The following STX7 variants were observed in gnomAD, a reference collection of about 807,000 sequenced individuals.
STX7 encodes the protein syntaxin-7.
In STX7, 34 loss-of-function variants were observed where a neutral mutation model predicts 39.6. The observed-to-expected ratio is 0.86, with a 90% CI of 0.65 to 1.14. The LOEUF (loss-of-function observed/expected upper bound fraction) is 1.14. STX7 is among the 50% of genes most tolerant of loss of function. STX7 has a pLI of 0.00. For synonymous variants in STX7, 119 were observed against 99.1 expected, an observed-to-expected ratio of 1.20 and a Z score of -1.19; for missense variants, 284 against 310.4, an observed-to-expected ratio of 0.92 and a Z score of 0.64.
At position 132,448,176 on chromosome 6, in the gene STX7, A is replaced by G. The variant is rs1774058393; in HGVS notation, c.*12582T>C. ...GCTCCCGGACACTTTCCCCACATAT[A>G]CATTTCCTGAGTTATGTAAAATGTT... On this transcript the variant is annotated 3_prime_UTR_variant, in exon 10 of 10. Coordinates refer to ENST00000367941, the MANE Select transcript of STX7 (RefSeq NM_003569.3). 6.6e-6 allele frequency: 1 copy of G among 152,180 alleles called. No homozygotes were observed. The highest frequency in any genetic ancestry group is 1.5e-5 in the Non-Finnish European group (1 of 68,014). 9.4% of individuals were successfully genotyped at this position (152,180 alleles called of 1,614,324 possible).
chr6:132,493,429 T>C (rs73551851), intron 2 of STX7, among the ~76,000 whole-genome samples: 2,195 of 152,202 alleles, frequency 0.014, 51 homozygotes, highest in African/African-American at 0.049. Context: ...TGGGAGATAA[T>C]TGGATCATGA....
Position 132,471,524 on chromosome 6 carries a change from C to A in STX7, c.326G>T (p.Arg109Met). Reference protein sequence around the residue: ...TSLTNFQKVQRQAAEREKEFV... With the variant: ...TSLTNFQKVQMQAAEREKEFV... ...CTCTTTCTCTCGCTCAGCAGCCTGC[C>A]TCTGGACCTTCTGGAAGTTTGTCAG... The change falls in exon 5 of 10, where the codon AGG (arginine) becomes ATG (methionine). Residue 109 changes from arginine to methionine, a missense_variant. Arg to Met is a moderately conservative substitution (Grantham distance 91, BLOSUM62 -1). Transcript: ENST00000367941. 1 of 1,614,112 alleles carries A rather than the reference C, an allele frequency of 6.2e-7. No individual in the cohort carries two copies. The highest frequency in any genetic ancestry group is 8.5e-7 in the Non-Finnish European group (1 of 1,179,970).
chr6:132,479,768 TTTTG>T (rs1774970510), intron 2 of STX7, among the ~76,000 whole-genome samples: 1 of 152,178 alleles, frequency 6.6e-6, no homozygotes, highest in Non-Finnish European at 1.5e-5. Flanking sequence ...ATTAAATCAT[TTTTG>T]TTTGATTTTT....
At position 132,471,449 on chromosome 6, in the gene STX7, T is replaced by C; in HGVS notation, c.387+14A>G. The C allele has an allele frequency of 6.2e-7, 1 of 1,606,594 alleles. No homozygotes were observed. The highest frequency in any genetic ancestry group is 8.5e-7 in the Non-Finnish European group (1 of 1,177,614). On this transcript the variant is annotated intron_variant, in intron 5 of 9. Coordinates refer to ENST00000367941, the MANE Select transcript of STX7 (RefSeq NM_003569.3). ...AACCATGTTCATTTCTAGAATGTCT[T>C]TTAAAATACTTACAGACACTCTGGA...
chr6:132,485,553 T>C (rs1775112027), intron 2 of STX7, among the ~76,000 whole-genome samples: 1 of 152,222 alleles, frequency 6.6e-6, no homozygotes, highest in Non-Finnish European at 1.5e-5. Flanking sequence ...GGCTGGATAG[T>C]ATGACAGGTG....
chr6:132,477,704 A>G (rs1774907852), intron 2 of STX7, among the ~76,000 whole-genome samples: 1 of 152,148 alleles, frequency 6.6e-6, no homozygotes, highest in South Asian at 2.1e-4. Flanking sequence ...GACTACATAA[A>G]ATAACTTGGT....
chr6:132,462,138 A>G (rs1028793600), intron 9 of STX7, among the ~76,000 whole-genome samples: 9 of 152,182 alleles, frequency 5.9e-5, no homozygotes, highest in Non-Finnish European at 7.4e-5. Context: ...GTATCCCACA[A>G]TGGTGTGTTT....
chr6:132,481,330 A>G (rs1775011511), intron 2 of STX7, among the ~76,000 whole-genome samples: 1 of 151,950 alleles, frequency 6.6e-6, no homozygotes, highest in Non-Finnish European at 1.5e-5. Flanking sequence ...CAATCTTTGG[A>G]GGGGGAAAAA....
rs1774091948 is a variant in STX7 at position 132,449,316 on chromosome 6, G to A, written c.*11442C>T. On this transcript the variant is annotated 3_prime_UTR_variant, in exon 10 of 10. Transcript: ENST00000367941. ...TCTTAATTTTTTTTGTAGAGATGGA[G>A]TGGGGGCTCTTGCTTCATTTCCCAG... 6.6e-6 allele frequency: 1 copy of A among 151,944 alleles called. No individual in the cohort carries two copies. Among genetic ancestry groups the A allele is most frequent in the Admixed American group, 6.6e-5 (1 of 15,234 alleles). The allele number at this position is 151,944 out of a possible 1,614,324, so 9.4% of individuals were successfully genotyped here. A position where few individuals can be genotyped will look rare whatever the true frequency, so the allele number is the denominator to read the frequency against.
chr6:132,501,227 T>C (rs975681084), intron 2 of STX7, among the ~76,000 whole-genome samples: 3 of 152,118 alleles, frequency 2.0e-5, no homozygotes, highest in African/African-American at 2.4e-5. Context: ...GCTAATTTTG[T>C]ATTTTTAGTA....
Position 132,448,385 on chromosome 6 carries a change from C to T in STX7, c.*12373G>A, listed in dbSNP as rs1423624406. 6.6e-6 allele frequency: 1 copy of T among 152,016 alleles called. No homozygotes were observed. Among genetic ancestry groups the T allele is most frequent in the Non-Finnish European group, 1.5e-5 (1 of 68,012 alleles). The allele number at this position is 152,016 out of a possible 1,614,324, so 9.4% of individuals were successfully genotyped here. Reference sequence around the variant, plus strand: ...TCATCTTTATTCTTAAGTGAAAGTCCCTTGTTTGTAAATTCTCATTTTGAG... The same window carrying T: ...TCATCTTTATTCTTAAGTGAAAGTCTCTTGTTTGTAAATTCTCATTTTGAG... On this transcript the variant is annotated 3_prime_UTR_variant, in exon 10 of 10. Transcript: ENST00000367941.
chr6:132,504,302 A>T (rs1775645273), intron 1 of STX7, among the ~76,000 whole-genome samples: 1 of 152,126 alleles, frequency 6.6e-6, no homozygotes, highest in Admixed American at 6.5e-5. Flanking sequence ...TGTTTATCAA[A>T]CCTTCCTGAC....
At chr6:132,469,131 A>C (rs1383370552) in intron 7 of STX7, among the ~76,000 whole-genome samples, 1 of 152,232 alleles carries the variant, frequency 6.6e-6, no homozygotes, top group Non-Finnish European at 1.5e-5. Flanking sequence ...TCTTCAATAA[A>C]TTGTAGCCAT....
chr6:132,455,313 A>G lies in STX7; in HGVS notation c.*5445T>C, dbSNP rs1384058038. The G allele has an allele frequency of 1.3e-5, 2 of 152,220 alleles. No individual in the cohort carries two copies. The highest frequency in any genetic ancestry group is 2.9e-5 in the Non-Finnish European group (2 of 68,046). The allele number at this position is 152,220 out of a possible 1,614,324, so 9.4% of individuals were successfully genotyped here. A position where few individuals can be genotyped will look rare whatever the true frequency, so the allele number is the denominator to read the frequency against. On this transcript the variant is annotated 3_prime_UTR_variant, in exon 10 of 10. Coordinates refer to ENST00000367941, the MANE Select transcript of STX7 (RefSeq NM_003569.3). ...ATTAAAAAGTGAAACTAGGTATCAGAAAAATCTTAGTCGAGGCTAAATAAC... is the reference window on the plus strand; with the variant it reads ...ATTAAAAAGTGAAACTAGGTATCAGGAAAATCTTAGTCGAGGCTAAATAAC...
chr6:132,505,753 A>C (rs985660947), intron 1 of STX7, among the ~76,000 whole-genome samples: 2 of 148,516 alleles, frequency 1.3e-5, no homozygotes, highest in African/African-American at 5.0e-5. Context: ...AAAAAAAAAA[A>C]AAAAAAAAAA....
chr6:132,475,692 T>C (rs1184169272), intron 2 of STX7, 30 bp from the exon 3 acceptor site: 2 of 1,514,622 alleles, frequency 1.3e-6, no homozygotes. Context: ...ATGTATTAAT[T>C]GTCACAAAAG....
At chr6:132,501,062 C>CTTTT (rs765134328) in intron 2 of STX7, among the ~76,000 whole-genome samples, 4 of 143,754 alleles carry the variant, frequency 2.8e-5, no homozygotes, top group Admixed American at 2.1e-4. Context: ...CAGTCCCTGT[C>CTTTT]TTTTTTTTTT....
intron 8 of STX7, 101 bp downstream of exon 8, chr6:132,468,302 A>G (rs1031320263): frequency 2.2e-6 from 2 of 914,368 alleles, no homozygotes; most frequent in Admixed American, 2.2e-5. Flanking sequence ...AGGGAAACCA[A>G]AAAAGGGACA....
In STX7 at chr6:132,468,385, TAA is replaced by T. The variant is rs778915353; in HGVS notation, c.610+16_610+17del. On this transcript the variant is annotated intron_variant, in intron 8 of 9. Coordinates refer to ENST00000367941, the MANE Select transcript of STX7 (RefSeq NM_003569.3). ...GTAGCTTGCTCTCACCTCCAAAATC[TAA>T]GTCAGCAGGTCTTACCTATTACATC... 1.2e-6 allele frequency: 2 copies of T among 1,601,664 alleles called. No individual in the cohort carries two copies. Among genetic ancestry groups the T allele is most frequent in the Non-Finnish European group, 1.7e-6 (2 of 1,171,092 alleles).
Sources: allele counts gnomAD v4.1 joint callset (sites outside exome capture counted in the v4.1 genomes callset), GRCh38; gene constraint gnomAD v4.1.1; transcripts MANE v1.5; gene names NCBI Gene and HGNC (gene_info 2026-07-23, HGNC 2026-07-21).